The following ZNF516 variants were observed in gnomAD, a reference collection of about 807,000 sequenced individuals.
ZNF516 encodes the protein zinc finger protein 516.
In ZNF516, 19 loss-of-function variants were observed where a neutral mutation model predicts 79.7. The ratio of observed to expected loss-of-function variants is 0.24; its 90% CI spans 0.17 to 0.35. The LOEUF is 0.35. ZNF516 is among the 10% of genes least tolerant of loss of function. The probability of loss-of-function intolerance (pLI) is 1.00; values close to 1 mark genes in which losing one functional copy is unlikely to be tolerated. For synonymous variants in ZNF516, 877 were observed against 739.5 expected (o/e 1.19, Z -3.02); for missense variants, 1,678 against 1,679.5 (o/e 1.00, Z 0.02).
At chr18:76,363,044 G>C (rs1402084975) in intron 6 of ZNF516, among the ~76,000 whole-genome samples, 1 of 152,204 alleles carries the variant, frequency 6.6e-6, no homozygotes, top group Non-Finnish European at 1.5e-5. Context: ...AGGTCTGTCA[G>C]AACTTCAGAG....
intron 1 of ZNF516, among the ~76,000 whole-genome samples, chr18:76,484,539 C>G (rs958867957): frequency 5.3e-5 from 8 of 152,188 alleles, no homozygotes; most frequent in African/African-American, 1.7e-4. Flanking sequence ...TCATCACCTA[C>G]CACCTTGTAG....
intron 3 of ZNF516, among the ~76,000 whole-genome samples, chr18:76,417,972 A>T (rs1386256696): frequency 6.6e-6 from 1 of 152,244 alleles, no homozygotes; most frequent in South Asian, 2.1e-4. Flanking sequence ...AAATTGAATT[A>T]TAAGTAGCTT....
rs1338489419 is a variant in ZNF516 at position 76,378,943 on chromosome 18, G to C, written c.3171C>G (p.Ile1057Met). 11 of 1,613,858 alleles carry C rather than the reference G, an allele frequency of 6.8e-6. No individual in the cohort carries two copies. The highest frequency in any genetic ancestry group is 9.3e-6 in the Non-Finnish European group (11 of 1,179,828). Reference protein sequence around the residue: ...VAEGHEKRLDILNIFKTYIPK... With the variant: ...VAEGHEKRLDMLNIFKTYIPK... ...GAATGTACGTCTTAAAGATGTTGAG[G>C]ATGTCCAGGCGCTTCTCATGCCCCT... is the stretch of plus-strand genomic sequence containing the variant. Residue 1057 changes from isoleucine to methionine, a missense_variant, in exon 4 of 7, where the codon ATC becomes ATG. Coordinates refer to ENST00000443185, the MANE Select transcript of ZNF516 (RefSeq NM_014643.4).
In ZNF516 at chr18:76,475,450, A is replaced by G. The variant is rs140810988; in HGVS notation, c.-271-12309T>C. 4.6e-5 allele frequency among the ~76,000 whole-genome samples: 7 copies of G among 152,364 alleles called. No individual in the cohort carries two copies. The East Asian group carries it at 1.3e-3, about 29-fold the overall frequency. On this transcript the variant is annotated intron_variant, in intron 1 of 6. Coordinates refer to ENST00000443185, the MANE Select transcript of ZNF516 (RefSeq NM_014643.4). The stretch of plus-strand genomic sequence containing the variant: ...TTGGTAAATTTGGCAGTATCTGTCA[A>G]TTAAAATGCCCCTCCATCCCCAAAA...
chr18:76,368,955 G>A (rs537212432), intron 6 of ZNF516, among the ~76,000 whole-genome samples: 1 of 152,298 alleles, frequency 6.6e-6, no homozygotes, highest in African/African-American at 2.4e-5. Context: ...CTTGTTCCTA[G>A]ATCCACCTGG....
In ZNF516 at chr18:76,480,223, G is replaced by GTT. The variant is rs1215453480; in HGVS notation, c.-272+14919_-272+14920dup. 2.0e-5 allele frequency among the ~76,000 whole-genome samples: 3 copies of GTT among 149,716 alleles called. No individual in the cohort carries two copies. In the East Asian group the frequency reaches 5.9e-4, roughly 29 times the overall value. On this transcript the variant is annotated intron_variant, in intron 1 of 6. Transcript: ENST00000443185. Reference sequence around the variant, plus strand: ...TAGTAGTAATTCTTGTCATCTACACGTTTAACATTTTGGATTTTGGATATA... The same window carrying GTT: ...TAGTAGTAATTCTTGTCATCTACACGTTTTTAACATTTTGGATTTTGGATATA...
At chr18:76,373,692 GAAGT>G (rs765629154) in intron 4 of ZNF516, among the ~76,000 whole-genome samples, 20 of 152,358 alleles carry the variant, frequency 1.3e-4, no homozygotes, top group African/African-American at 4.3e-4. Context: ...TTATTTCCTT[GAAGT>G]AAGGGTGCAT....
intron 1 of ZNF516, among the ~76,000 whole-genome samples, chr18:76,480,748 C>T (rs1246459705): frequency 6.6e-6 from 1 of 152,150 alleles, no homozygotes; most frequent in Admixed American, 6.5e-5. Flanking sequence ...TCTCAAACTC[C>T]TGACCTCAAG....
At chr18:76,483,863 C>G (rs915991913) in intron 1 of ZNF516, among the ~76,000 whole-genome samples, 1 of 152,198 alleles carries the variant, frequency 6.6e-6, no homozygotes, top group Non-Finnish European at 1.5e-5. Flanking sequence ...CCAGATTTTC[C>G]ACGTTCCTCC....
chr18:76,471,113 T>C (rs1320291409), intron 1 of ZNF516, among the ~76,000 whole-genome samples: 3 of 152,150 alleles, frequency 2.0e-5, no homozygotes, highest in Non-Finnish European at 4.4e-5. Flanking sequence ...CACCAATCTG[T>C]TGGGCAGAAG....
Position 76,442,140 on chromosome 18 carries a change from C to T in ZNF516, c.915G>A (p.Lys305=). The T allele has an allele frequency of 6.2e-7, 1 of 1,614,002 alleles. No individual in the cohort carries two copies. Among genetic ancestry groups the T allele is most frequent in the Non-Finnish European group, 8.5e-7 (1 of 1,179,890 alleles). Residue 305 remains lysine (K), a synonymous_variant, in exon 3 of 7, where the codon AAG becomes AAA. Transcript: ENST00000443185. ...GGTCCAGCTCACTCTTGGGCCTGTTCTTGCTGCCCGTCTTGGGGCCGTGCG... is the reference window on the plus strand; with the variant it reads ...GGTCCAGCTCACTCTTGGGCCTGTTTTTGCTGCCCGTCTTGGGGCCGTGCG... The part of the protein sequence containing the change: ...MKAHGPKTGS[K]NRPKSELDPI...
intron 6 of ZNF516, among the ~76,000 whole-genome samples, chr18:76,366,135 G>A (rs1311977745): frequency 6.6e-6 from 1 of 152,164 alleles, no homozygotes; most frequent in Non-Finnish European, 1.5e-5. Flanking sequence ...TCAAGCTTCA[G>A]GTGTGTGCTG....
At position 76,456,869 on chromosome 18, in the gene ZNF516, C is replaced by T. The variant is rs370919486; in HGVS notation, c.-158+6159G>A. Among the ~76,000 whole-genome samples the T allele has an allele frequency of 7.2e-4, 110 of 152,298 alleles. 1 individual carries two copies. The South Asian group carries it at 0.023, about 31-fold the overall frequency. ...ATACTGCTTTCAATTTCTTGTTTTA[C>T]GTTTACTCTGAGTTTTGTTGTTTTC... On this transcript the variant is annotated intron_variant, in intron 2 of 6. Coordinates refer to ENST00000443185, the MANE Select transcript of ZNF516 (RefSeq NM_014643.4).
At chr18:76,469,956 A>G (rs2145721897) in intron 1 of ZNF516, among the ~76,000 whole-genome samples, 1 of 152,380 alleles carries the variant, frequency 6.6e-6, no homozygotes, top group South Asian at 2.1e-4. Flanking sequence ...AAATCATTAC[A>G]AAATACAAAT....
intron 3 of ZNF516, chr18:76,387,439 C>A (rs2075010444): frequency 6.6e-6 from 1 of 152,304 alleles, no homozygotes; most frequent in East Asian, 1.9e-4. Context: ...CTGCCATTGA[C>A]CTGCTGCAGA....
intron 3 of ZNF516, among the ~76,000 whole-genome samples, chr18:76,420,873 A>G (rs767676998): frequency 1.1e-4 from 16 of 152,222 alleles, no homozygotes; most frequent in African/African-American, 1.7e-4. Flanking sequence ...CACAATATCA[A>G]TAAGTGTAAC....
chr18:76,417,868 G>C (rs2075452048), intron 3 of ZNF516, among the ~76,000 whole-genome samples: 1 of 152,160 alleles, frequency 6.6e-6, no homozygotes, highest in Admixed American at 6.5e-5. Flanking sequence ...AAATGCAAAA[G>C]AGTGTCACTT....
chr18:76,448,438 G>A (rs1057409961), intron 2 of ZNF516, among the ~76,000 whole-genome samples: 4 of 152,164 alleles, frequency 2.6e-5, no homozygotes, highest in Admixed American at 6.6e-5. Flanking sequence ...CCTGACACAC[G>A]CCCCGGTAAG....
intron 3 of ZNF516, among the ~76,000 whole-genome samples, chr18:76,400,961 T>C (rs689653): frequency 1 from 151,684 of 152,354 alleles, 75,513 homozygotes; most frequent in Middle Eastern, 1. Flanking sequence ...ATTAAAATGA[T>C]GTAAACACAA....
Sources: gnomAD v4.1 joint callset for allele counts (sites outside exome capture counted in the v4.1 genomes callset) on GRCh38, gnomAD v4.1.1 for gene constraint, MANE v1.5 for transcripts, NCBI Gene and HGNC (gene_info 2026-07-23, HGNC 2026-07-21) for gene names.